TMCO4: variants seen among roughly 807,000 people sequenced by gnomAD.
TMCO4 encodes the protein transmembrane and coiled-coil domain-containing protein 4.
A neutral mutation model predicts 64.7 loss-of-function variants in TMCO4; 58 were observed. That is an observed-to-expected ratio of 0.90 (90% CI 0.73 to 1.12). The LOEUF (loss-of-function observed/expected upper bound fraction) is 1.12, where lower values mean the gene tolerates loss of function less well. TMCO4 is among the 50% of genes most tolerant of loss of function. TMCO4 has a pLI of 0.00. For synonymous variants in TMCO4, 325 were observed against 346.1 expected (o/e 0.94, Z 0.68); for missense variants, 780 against 825.9 (o/e 0.94, Z 0.68).
chr1:19,752,777 G>A (rs1422182670), intron 7 of TMCO4, among the ~76,000 whole-genome samples: 1 of 151,864 alleles, frequency 6.6e-6, no homozygotes, highest in African/African-American at 2.4e-5. Context: ...CCAGCCATGC[G>A]ACCTTGGCTG....
chr1:19,757,166 G>GT (rs903277378), intron 6 of TMCO4, among the ~76,000 whole-genome samples: 5 of 150,588 alleles, frequency 3.3e-5, no homozygotes, highest in Non-Finnish European at 7.4e-5. Context: ...TGGCGGGGGG[G>GT]GGCGCCTGTA....
Position 19,694,595 on chromosome 1 carries a change from G to A in TMCO4, c.1383-44C>T, listed in dbSNP as rs372522149. 112 of 1,588,586 alleles carry A rather than the reference G, an allele frequency of 7.1e-5. 1 individual carries two copies. Among genetic ancestry groups the A allele is most frequent in the Middle Eastern group, 3.4e-4 (2 of 5,970 alleles). On this transcript the variant is annotated intron_variant, in intron 14 of 15. Coordinates refer to ENST00000294543, the MANE Select transcript of TMCO4 (RefSeq NM_181719.7). ...GCATGTGAACATTAGCACCAGCCTC[G>A]GACAGCCCAAGGACAGGACGGGCCA... is the stretch of plus-strand genomic sequence containing the variant.
At chr1:19,792,076 T>C (rs1039515055) in intron 2 of TMCO4, among the ~76,000 whole-genome samples, 4 of 152,210 alleles carry the variant, frequency 2.6e-5, no homozygotes, top group Admixed American at 6.5e-5. Flanking sequence ...CCGCCATGAT[T>C]GTGAGGCCTC....
intron 2 of TMCO4, among the ~76,000 whole-genome samples, chr1:19,792,869 C>A (rs2044120134): frequency 6.9e-6 from 1 of 145,282 alleles, no homozygotes; most frequent in Non-Finnish European, 1.5e-5. Flanking sequence ...TTCCTGGGTT[C>A]AAGCAATTCT....
At chr1:19,754,586 C>A (rs2042161695) in intron 7 of TMCO4, among the ~76,000 whole-genome samples, 1 of 152,148 alleles carries the variant, frequency 6.6e-6, no homozygotes, top group Non-Finnish European at 1.5e-5. Context: ...CTAAAAAAAA[C>A]CCAGACCTGG....
At chr1:19,723,780 T>C (rs1309079076) in intron 13 of TMCO4, among the ~76,000 whole-genome samples, 1 of 152,118 alleles carries the variant, frequency 6.6e-6, no homozygotes. Flanking sequence ...AGTGGATTTA[T>C]CTAGTAGACA....
At chr1:19,766,831 C>A (rs1247061916) in intron 6 of TMCO4, among the ~76,000 whole-genome samples, 1 of 152,196 alleles carries the variant, frequency 6.6e-6, no homozygotes, top group Non-Finnish European at 1.5e-5. Context: ...GACATGACAA[C>A]CGTCAGCAAA....
chr1:19,783,418 G>A (rs528787477), intron 3 of TMCO4, among the ~76,000 whole-genome samples: 1 of 152,134 alleles, frequency 6.6e-6, no homozygotes, highest in Non-Finnish European at 1.5e-5. Context: ...TCATAAGTTT[G>A]TTCCCATCTA....
chr1:19,765,759 C>T (rs1410838074), intron 6 of TMCO4, among the ~76,000 whole-genome samples: 1 of 151,972 alleles, frequency 6.6e-6, no homozygotes, highest in African/African-American at 2.4e-5. Flanking sequence ...AATATGGCAC[C>T]GTTCGGTGAC....
chr1:19,776,068 C>T (rs145204885), intron 4 of TMCO4, among the ~76,000 whole-genome samples: 228 of 152,204 alleles, frequency 1.5e-3, no homozygotes, highest in African/African-American at 5.0e-3. Context: ...CCACCACATC[C>T]GGCTAATCTT....
chr1:19,682,534 G>C lies in TMCO4; in HGVS notation c.*506C>G. ...AGAGCAGGAGTGAGCTGCCTTCTTT[G>C]TACCTGCGCCTGCTCTGTTGCTGCC... is the stretch of plus-strand genomic sequence containing the variant. On this transcript the variant is annotated 3_prime_UTR_variant, in exon 16 of 16. Transcript: ENST00000294543. 1.4e-6 allele frequency: 1 copy of C among 705,014 alleles called. No homozygotes were observed. The highest frequency in any genetic ancestry group is 3.2e-4 in the Middle Eastern group (1 of 3,124). 43.7% of individuals were successfully genotyped at this position (705,014 alleles called of 1,614,324 possible).
chr1:19,740,811 C>T lies in TMCO4; in HGVS notation c.1008G>A (p.Val336=). 2 of 1,613,716 alleles carry T rather than the reference C, an allele frequency of 1.2e-6. No individual in the cohort carries two copies. Among genetic ancestry groups the T allele is most frequent in the Middle Eastern group, 1.7e-4 (1 of 6,058 alleles). Residue 336 remains valine (V), a synonymous_variant, in exon 11 of 16, where the codon GTG becomes GTA. Coordinates refer to ENST00000294543, the MANE Select transcript of TMCO4 (RefSeq NM_181719.7). ...CTGTGTACTTTAGGGCCTCCTGGGC[C>T]ACCATGTTGGCGAGACCACTGAGGA... ...ETILSGLANM[V]AQEALKYTVL...
intron 8 of TMCO4, among the ~76,000 whole-genome samples, chr1:19,746,925 A>G (rs1414141815): frequency 2.8e-5 from 4 of 141,552 alleles, no homozygotes; most frequent in African/African-American, 1.1e-4. Context: ...TACTGTCTCA[A>G]AAAAAAAAAA....
intron 2 of TMCO4, among the ~76,000 whole-genome samples, chr1:19,796,063 C>G (rs1023268305): frequency 1.3e-5 from 2 of 152,228 alleles, no homozygotes; most frequent in East Asian, 3.8e-4. Context: ...GTGCCCTTTC[C>G]AAAAGCACAG....
At chr1:19,746,685 G>A in intron 8 of TMCO4, 86 bp from the exon 9 acceptor site, 4 of 1,488,328 alleles carry the variant, frequency 2.7e-6, no homozygotes, top group South Asian at 1.3e-5. Flanking sequence ...AGCACTTTGG[G>A]AGGCCGAGGT....
chr1:19,751,742 G>A (rs1413191398), intron 7 of TMCO4, among the ~76,000 whole-genome samples: 1 of 152,152 alleles, frequency 6.6e-6, no homozygotes, highest in East Asian at 1.9e-4. Flanking sequence ...TTAAGTATTT[G>A]CATGTTCTTA....
At chr1:19,775,055 G>A (rs1189904004) in intron 4 of TMCO4, among the ~76,000 whole-genome samples, 1 of 152,072 alleles carries the variant, frequency 6.6e-6, no homozygotes, top group Non-Finnish European at 1.5e-5. Flanking sequence ...GGCCTGCTGG[G>A]TTTGGTTTGT....
chr1:19,741,745 T>C (rs2095480259), intron 10 of TMCO4, among the ~76,000 whole-genome samples: 1 of 150,780 alleles, frequency 6.6e-6, no homozygotes, highest in Non-Finnish European at 1.5e-5. Flanking sequence ...TTTCTTTCTT[T>C]TTTTTTTTTG....
chr1:19,771,905 G>A (rs369246661), intron 4 of TMCO4, among the ~76,000 whole-genome samples: 6 of 152,000 alleles, frequency 3.9e-5, no homozygotes, highest in African/African-American at 1.2e-4. Flanking sequence ...TGATCCACCC[G>A]CCCCGGCCTC....
Sources: allele counts gnomAD v4.1 joint callset (sites outside exome capture counted in the v4.1 genomes callset), GRCh38; gene constraint gnomAD v4.1.1; transcripts MANE v1.5; gene names NCBI Gene and HGNC (gene_info 2026-07-23, HGNC 2026-07-21).